The following BLZF1 variants were observed in gnomAD, a reference collection of about 807,000 sequenced individuals.
The protein encoded by BLZF1 is golgin-45.
BLZF1 carries 39 observed loss-of-function variants against 43.8 expected under a neutral mutation model. The observed-to-expected ratio is 0.89, with a 90% CI of 0.69 to 1.16. The LOEUF (loss-of-function observed/expected upper bound fraction) is 1.16, where lower values mean the gene tolerates loss of function less well. Ranked by LOEUF, BLZF1 falls within the 50% of genes most tolerant of loss-of-function variation. The pLI is 0.00. For synonymous variants in BLZF1, 136 were observed against 159.4 expected, an observed-to-expected ratio of 0.85 and a Z score of 1.11; for missense variants, 449 against 469.8, an observed-to-expected ratio of 0.96 and a Z score of 0.41.
At chr1:169,394,381 A>G (rs902243110) in intron 7 of BLZF1, among the ~76,000 whole-genome samples, 14 of 152,150 alleles carry the variant, frequency 9.2e-5, no homozygotes, top group African/African-American at 3.4e-4. Flanking sequence ...TTACATGGGT[A>G]TGTTGCATGT....
At chr1:169,389,104 G>A (rs7535765), downstream of BLZF1, among the ~76,000 whole-genome samples, 100,123 of 149,586 alleles carry the variant, frequency 0.67, 33,601 homozygotes, top group East Asian at 0.93. Context: ...CCTGGGTGAC[G>A]GAGCGAAACT....
chr1:169,390,398 T>A (rs1299064263), downstream of BLZF1, among the ~76,000 whole-genome samples: 1 of 152,118 alleles, frequency 6.6e-6, no homozygotes, highest in Non-Finnish European at 1.5e-5. Flanking sequence ...CAACAGTTAG[T>A]TCTTTAAAAA....
intron 6 of BLZF1, among the ~76,000 whole-genome samples, chr1:169,386,547 C>T (rs1557851285): frequency 2.0e-5 from 3 of 151,712 alleles, no homozygotes; most frequent in Admixed American, 6.6e-5. Flanking sequence ...GGCATGGTGG[C>T]GGGCGCCTAT....
intron 5 of BLZF1, 127 bp downstream of exon 5, chr1:169,380,736 A>T (rs1376518347): frequency 2.9e-6 from 3 of 1,047,992 alleles, no homozygotes; most frequent in Non-Finnish European, 4.1e-6. Flanking sequence ...TACTGAGCAT[A>T]TACTTTTAGT....
intron 5 of BLZF1, among the ~76,000 whole-genome samples, 153 bp from the exon 6 acceptor site, chr1:169,381,905 TTGAC>T (rs1453170399): frequency 6.6e-6 from 1 of 152,216 alleles, no homozygotes; most frequent in Non-Finnish European, 1.5e-5. Flanking sequence ...TCTAACTTAC[TTGAC>T]TAAGACATCC....
chr1:169,382,235 C>A lies in BLZF1; in HGVS notation c.971C>A (p.Ser324Ter). ...VGINNQKKIP[S>*]TVEFCSTPAE... is the part of the protein sequence containing the mutation. ...ATTAACAATCAAAAAAAGATTCCATCAACAGTTGAATTCTGCAGCACCCCA... is the reference window on the plus strand; with the variant it reads ...ATTAACAATCAAAAAAAGATTCCATAAACAGTTGAATTCTGCAGCACCCCA... Residue 324 changes from serine to a stop codon, truncating the protein, a stop_gained, in exon 6 of 7, where the codon TCA (serine) becomes TAA (stop). Transcript: ENST00000367808. LOFTEE classifies it high-confidence loss of function. 6.2e-7 allele frequency: 1 copy of A among 1,613,756 alleles called. No individual in the cohort carries two copies. The highest frequency in any genetic ancestry group is 1.7e-4 in the Middle Eastern group (1 of 6,058).
intron 4 of BLZF1, among the ~76,000 whole-genome samples, 163 bp from the exon 5 acceptor site, chr1:169,380,318 A>G (rs1293456409): frequency 6.6e-6 from 1 of 151,878 alleles, no homozygotes; most frequent in East Asian, 1.9e-4. Flanking sequence ...CTAAGCTAAT[A>G]AGCATTTTTA....
chr1:169,368,196 G>A lies in BLZF1; in HGVS notation c.-197G>A, dbSNP rs868669409. 9 of 188,612 alleles carry A rather than the reference G, an allele frequency of 4.8e-5. No individual in the cohort carries two copies. Among genetic ancestry groups the A allele is most frequent in the African/African-American group, 7.0e-5 (3 of 42,944 alleles). 11.7% of individuals were successfully genotyped at this position (188,612 alleles called of 1,614,324 possible). A position where few individuals can be genotyped will look rare whatever the true frequency, so the allele number is the denominator to read the frequency against. On this transcript the variant is annotated 5_prime_UTR_variant, in exon 1 of 7. Coordinates refer to ENST00000367808, the MANE Select transcript of BLZF1 (RefSeq NM_001320973.2). ...AACCCTGAGTAATCGGAAGTGGTTA[G>A]GAGTGAGAGAGCTGCTGGATATGCG... is the stretch of plus-strand genomic sequence containing the variant.
At chr1:169,386,646 T>C (rs1396103256) in intron 6 of BLZF1, among the ~76,000 whole-genome samples, 1 of 138,230 alleles carries the variant, frequency 7.2e-6, no homozygotes, top group Admixed American at 8.1e-5. Context: ...GCCACTGCAC[T>C]CCAGCCTGGG....
Position 169,376,779 on chromosome 1 carries a change from C to T in BLZF1, c.268C>T (p.His90Tyr). The T allele has an allele frequency of 6.2e-7, 1 of 1,613,350 alleles. No individual in the cohort carries two copies. The highest frequency in any genetic ancestry group is 8.5e-7 in the Non-Finnish European group (1 of 1,179,580). ...RILVPKAAIT[H>Y]DIPNKNTKVK... is the part of the protein sequence containing the mutation. ...ATTAGTTCCCAAAGCTGCTATAACT[C>T]ATGATATCCCCAACAAAAATACAAA... Residue 90 changes from histidine to tyrosine, a missense_variant, in exon 3 of 7, where the codon CAT becomes TAT. Transcript: ENST00000367808.
In BLZF1 at chr1:169,378,543, C is replaced by A; in HGVS notation, c.668+14C>A. ...CCTTGCAAGCAGGTATTTTCTACAG[C>A]AAATAGTATTTCACTTCCTAGTTTT... On this transcript the variant is annotated intron_variant, in intron 4 of 6. Coordinates refer to ENST00000367808, the MANE Select transcript of BLZF1 (RefSeq NM_001320973.2). The A allele has an allele frequency of 6.2e-7, 1 of 1,608,296 alleles. No homozygotes were observed. The highest frequency in any genetic ancestry group is 8.5e-7 in the Non-Finnish European group (1 of 1,175,602).
intron 4 of BLZF1, among the ~76,000 whole-genome samples, chr1:169,379,111 C>G (rs1654450999): frequency 6.6e-6 from 1 of 151,934 alleles, no homozygotes. Context: ...TATCCCCTCC[C>G]TGCCTCAACT....
chr1:169,380,348 TA>T, intron 4 of BLZF1, 132 bp from the exon 5 acceptor site: 1 of 764,466 alleles, frequency 1.3e-6, no homozygotes, highest in Non-Finnish European at 1.9e-6. Flanking sequence ...AGCTAAAATT[TA>T]AAAACTGTGA....
chr1:169,375,684 T>C (rs1654295348), intron 2 of BLZF1, among the ~76,000 whole-genome samples: 1 of 151,534 alleles, frequency 6.6e-6, no homozygotes, highest in South Asian at 2.1e-4. Context: ...CCCAGCATCA[T>C]GTTTGCTGCC....
At chr1:169,395,869 G>A (rs1443308285) in intron 7 of BLZF1, 1 of 134,558 alleles carries the variant, frequency 7.4e-6, no homozygotes, top group Non-Finnish European at 1.6e-5. Flanking sequence ...ACATACACCT[G>A]GTTTTGTTGT....
rs1269566220 is a variant in BLZF1 at position 169,368,247 on chromosome 1, A to G, written c.-146A>G. On this transcript the variant is annotated 5_prime_UTR_variant, in exon 1 of 7. Coordinates refer to ENST00000367808, the MANE Select transcript of BLZF1 (RefSeq NM_001320973.2). ...GAGGGACTGGGCGGGTCGGCTTCCG[A>G]ATGGAAGAGGTCTGTGAGAAGTTAA... The G allele has an allele frequency of 6.0e-6, 1 of 167,272 alleles. No individual in the cohort carries two copies. Among genetic ancestry groups the G allele is most frequent in the Non-Finnish European group, 1.3e-5 (1 of 75,214 alleles). The allele number at this position is 167,272 out of a possible 1,614,324, so 10.4% of individuals were successfully genotyped here. A position where few individuals can be genotyped will look rare whatever the true frequency, so the allele number is the denominator to read the frequency against.
intron 6 of BLZF1, among the ~76,000 whole-genome samples, chr1:169,384,094 C>CCA (rs1465816064): frequency 1.3e-5 from 2 of 152,014 alleles, no homozygotes; most frequent in African/African-American, 4.8e-5. Context: ...TACAACCCCC[C>CCA]ACCCCTAAAA....
At chr1:169,392,559 T>C (rs568540731), downstream of BLZF1, among the ~76,000 whole-genome samples, 1 of 152,332 alleles carries the variant, frequency 6.6e-6, no homozygotes, top group African/African-American at 2.4e-5. Flanking sequence ...CATATTTTGG[T>C]CTTGTACCAG....
chr1:169,389,146 A>G (rs1231528615), downstream of BLZF1, among the ~76,000 whole-genome samples: 1 of 150,696 alleles, frequency 6.6e-6, no homozygotes, highest in Non-Finnish European at 1.5e-5. Flanking sequence ...TACAAAAAAT[A>G]AGCCGTGTGT....
Sources: allele counts gnomAD v4.1 joint callset (sites outside exome capture counted in the v4.1 genomes callset), GRCh38; gene constraint gnomAD v4.1.1; transcripts MANE v1.5; gene names NCBI Gene and HGNC (gene_info 2026-07-23, HGNC 2026-07-21).